COL11A1: variants seen among roughly 807,000 people sequenced by gnomAD.
COL11A1 encodes the protein collagen type XI alpha 1 chain.
COL11A1 carries 74 observed loss-of-function variants against 265.2 expected under a neutral mutation model. The observed-to-expected ratio is 0.28, with a 90% CI of 0.23 to 0.34. The LOEUF (loss-of-function observed/expected upper bound fraction) is 0.34, where lower values mean the gene tolerates loss of function less well. COL11A1 is among the 10% of genes least tolerant of loss of function. COL11A1 has a pLI of 1.00. For synonymous variants in COL11A1, 816 were observed against 727.6 expected, an observed-to-expected ratio of 1.12 and a Z score of -1.96; for missense variants, 2,165 against 2,263.6, an observed-to-expected ratio of 0.96 and a Z score of 0.88.
chr1:103,026,056 T>A (rs957556714), intron 6 of COL11A1, 160 bp downstream of exon 6: 26 of 1,291,482 alleles, frequency 2.0e-5, no homozygotes, highest in Non-Finnish European at 2.8e-5. Context: ...ATGGACATCA[T>A]TCTTCAAAAC....
rs181889988 is a variant in COL11A1 at position 102,905,681 on chromosome 1, C to T, written c.4086+6478G>A. Reference sequence around the variant, plus strand: ...CATGAAGTTGTCATGAGTTTAAATGCTTCTATTTTTGGTAATTGTTCTCAT... The same window carrying T: ...CATGAAGTTGTCATGAGTTTAAATGTTTCTATTTTTGGTAATTGTTCTCAT... On this transcript the variant is annotated intron_variant, in intron 54 of 66. Coordinates refer to ENST00000370096, the MANE Select transcript of COL11A1 (RefSeq NM_001854.4). Among the ~76,000 whole-genome samples the T allele has an allele frequency of 1.2e-3, 177 of 152,058 alleles. 1 individual carries two copies. The highest frequency in any genetic ancestry group is 1.1e-3 in the Non-Finnish European group (77 of 67,984).
intron 41 of COL11A1, among the ~76,000 whole-genome samples, chr1:102,957,847 G>T (rs191945748): frequency 2.7e-5 from 4 of 146,586 alleles, no homozygotes; most frequent in African/African-American, 1.0e-4. Flanking sequence ...TGGTAAAATA[G>T]AAAAAAAAAA....
chr1:102,907,935 C>T (rs2100990978), intron 54 of COL11A1, among the ~76,000 whole-genome samples: 1 of 152,058 alleles, frequency 6.6e-6, no homozygotes, highest in Non-Finnish European at 1.5e-5. Context: ...ATGGAATTAC[C>T]AGATGACAGA....
rs939568571 is a variant in COL11A1 at position 102,913,490 on chromosome 1, G to A, written c.4032+147C>T. 1.3e-5 allele frequency: 9 copies of A among 676,556 alleles called. 1 individual carries two copies. In the Admixed American group the frequency reaches 2.3e-4, roughly 17 times the overall value. 41.9% of individuals were successfully genotyped at this position (676,556 alleles called of 1,614,324 possible). A position where few individuals can be genotyped will look rare whatever the true frequency, so the allele number is the denominator to read the frequency against. Reference sequence around the variant, plus strand: ...CTCCATGTAAGATTGATTTTTAATGGGAATTCAAAAATTTTTTTGATAATT... The same window carrying A: ...CTCCATGTAAGATTGATTTTTAATGAGAATTCAAAAATTTTTTTGATAATT... On this transcript the variant is annotated intron_variant, in intron 53 of 66. Transcript: ENST00000370096.
intron 25 of COL11A1, among the ~76,000 whole-genome samples, chr1:102,998,086 G>T (rs970665237): frequency 2.0e-5 from 3 of 151,822 alleles, no homozygotes; most frequent in Non-Finnish European, 4.4e-5. Context: ...GGAGGTTCTG[G>T]CTTGGAGTGC....
rs569401876 is a variant in COL11A1 at position 103,037,255 on chromosome 1, TG to T, written c.652-6012del. The stretch of plus-strand genomic sequence containing the variant: ...CACAAGTAAAGATACATTTAGATTG[TG>T]TGTGTGTGTGTGTGTGTGTGTGTGT... On this transcript the variant is annotated intron_variant, in intron 4 of 66. Transcript: ENST00000370096. Among the ~76,000 whole-genome samples the T allele has an allele frequency of 9.8e-3, 256 of 26,048 alleles. 1 individual carries two copies. The highest frequency in any genetic ancestry group is 0.036 in the Middle Eastern group (3 of 84). The allele number at this position is 26,048 out of a possible 152,430, so 17.1% of individuals were successfully genotyped here. A position where few individuals can be genotyped will look rare whatever the true frequency, so the allele number is the denominator to read the frequency against.
rs1306480088 is a variant in COL11A1 at position 102,914,391 on chromosome 1, A to C, written c.3939T>G (p.Phe1313Leu). The change falls in exon 52 of 67, where the codon TTT (phenylalanine) becomes TTG (leucine). Residue 1313 changes from phenylalanine to leucine, a missense_variant. Physicochemically the swap from Phe to Leu is conservative, Grantham distance 22. Coordinates refer to ENST00000370096, the MANE Select transcript of COL11A1 (RefSeq NM_001854.4). ...GPKGNPGPVGFPGDPGPPGEP... is the reference protein window; with the variant it reads ...GPKGNPGPVGLPGDPGPPGEP... Reference sequence around the variant, plus strand: ...CCCCAGGAGGACCAGGATCTCCAGGAAAACCAACAGGACCCTAGAATGACG... The same window carrying C: ...CCCCAGGAGGACCAGGATCTCCAGGCAAACCAACAGGACCCTAGAATGACG... The C allele has an allele frequency of 6.2e-7, 1 of 1,608,688 alleles. No homozygotes were observed. The highest frequency in any genetic ancestry group is 8.5e-7 in the Non-Finnish European group (1 of 1,176,656).
intron 54 of COL11A1, among the ~76,000 whole-genome samples, chr1:102,900,019 T>C (rs1652988442): frequency 6.6e-6 from 1 of 152,116 alleles, no homozygotes; most frequent in African/African-American, 2.4e-5. Context: ...AATATCAGTA[T>C]AGCAAAATTG....
intron 47 of COL11A1, 144 bp from the exon 48 acceptor site, chr1:102,921,715 T>G: frequency 1.5e-6 from 1 of 677,606 alleles, no homozygotes; most frequent in Non-Finnish European, 2.6e-6. Context: ...TAAGTCATCC[T>G]TCATGGATAC....
chr1:103,068,594 G>A (rs12124555), intron 4 of COL11A1, among the ~76,000 whole-genome samples: 20,819 of 151,082 alleles, frequency 0.14, 1,581 homozygotes, highest in Non-Finnish European at 0.16. Flanking sequence ...AGTTATATTC[G>A]ATGTATATCC....
intron 54 of COL11A1, 35 bp from the exon 55 acceptor site, chr1:102,899,029 A>G: frequency 7.7e-7 from 1 of 1,298,316 alleles, no homozygotes. Flanking sequence ...AATATGTATC[A>G]CATATAAAAG....
intron 36 of COL11A1, among the ~76,000 whole-genome samples, chr1:102,973,467 C>T (rs1662169729): frequency 6.6e-6 from 1 of 152,154 alleles, no homozygotes; most frequent in Admixed American, 6.5e-5. Flanking sequence ...TACATACAAA[C>T]ATAAATGGTA....
intron 48 of COL11A1, 87 bp from the exon 49 acceptor site, chr1:102,920,451 G>A (rs528446761): frequency 8.8e-7 from 1 of 1,130,718 alleles, no homozygotes; most frequent in East Asian, 2.4e-5. Flanking sequence ...TCTCAAAAAA[G>A]AGAAATAGAT....
chr1:102,945,697 T>C (rs1259565559), intron 42 of COL11A1, among the ~76,000 whole-genome samples: 1 of 152,092 alleles, frequency 6.6e-6, no homozygotes, highest in Admixed American at 6.6e-5. Flanking sequence ...TTTAATCTTG[T>C]AGGAAGAGAG....
chr1:102,934,512 A>C lies in COL11A1; in HGVS notation c.3537T>G (p.Phe1179Leu). The C allele has an allele frequency of 6.2e-7, 1 of 1,614,196 alleles. No homozygotes were observed. ...EPGPRGQQGM[F>L]GQKGDEGARG... ...TGGCACCCTCATCACCTTTTTGCCC[A>C]AACATCCCCTGCTGTCCTCTAGGAC... Residue 1179 changes from phenylalanine to leucine, a missense_variant, in exon 46 of 67, where the codon TTT (phenylalanine) becomes TTG (leucine). Transcript: ENST00000370096.
At chr1:103,072,736 G>C (rs1050349185) in intron 4 of COL11A1, among the ~76,000 whole-genome samples, 2 of 151,632 alleles carry the variant, frequency 1.3e-5, no homozygotes, top group African/African-American at 2.4e-5. Flanking sequence ...AGTGGAAAGA[G>C]ACCAAATTGT....
intron 31 of COL11A1, among the ~76,000 whole-genome samples, chr1:102,983,431 C>G (rs1663229237): frequency 2.0e-5 from 3 of 151,880 alleles, no homozygotes; most frequent in South Asian, 4.1e-4. Flanking sequence ...TAGGTGGTCC[C>G]TAAATCCAAT....
intron 49 of COL11A1, 97 bp from the exon 50 acceptor site, chr1:102,915,781 T>G: frequency 1.0e-6 from 1 of 958,512 alleles, no homozygotes; most frequent in Non-Finnish European, 1.6e-6. Flanking sequence ...TTAGCCCTTA[T>G]TTTTTTATAT....
At chr1:103,057,704 G>C (rs763422793) in intron 4 of COL11A1, among the ~76,000 whole-genome samples, 1 of 152,076 alleles carries the variant, frequency 6.6e-6, no homozygotes, top group Non-Finnish European at 1.5e-5. Flanking sequence ...GGGTGACCAG[G>C]TTTATTGTCA....
Sources: allele counts gnomAD v4.1 joint callset (sites outside exome capture counted in the v4.1 genomes callset), GRCh38; gene constraint gnomAD v4.1.1; transcripts MANE v1.5; gene names NCBI Gene and HGNC (gene_info 2026-07-23, HGNC 2026-07-21).